The following ASAP1 variants were observed in gnomAD, a reference collection of about 807,000 sequenced individuals.
ASAP1 encodes the protein arf-GAP with SH3 domain, ANK repeat and PH domain-containing protein 1.
ASAP1 carries 43 observed loss-of-function variants against 145.2 expected under a neutral mutation model. That is an observed-to-expected ratio of 0.30 (90% CI 0.23 to 0.38). ASAP1 has a LOEUF of 0.38. Among genes scored for constraint, ASAP1 ranks in the 10% least tolerant of loss-of-function variants. ASAP1 has a pLI of 1.00. For synonymous variants in ASAP1, 546 were observed against 515.5 expected (o/e 1.06, Z -0.80); for missense variants, 1,018 against 1,355.3 (o/e 0.75, Z 3.91).
At chr8:130,152,460 T>A (rs189722541) in intron 13 of ASAP1, 52 of 254,354 alleles carry the variant, frequency 2.0e-4, no homozygotes, top group Non-Finnish European at 1.3e-4. Context: ...CCTAGGTTTT[T>A]CAGAACAATC....
intron 3 of ASAP1, among the ~76,000 whole-genome samples, chr8:130,356,068 A>G (rs995641370): frequency 6.8e-6 from 1 of 147,126 alleles, no homozygotes; most frequent in Non-Finnish European, 1.5e-5. Flanking sequence ...ATCTTACAAC[A>G]GTATTTCTCA....
intron 2 of ASAP1, among the ~76,000 whole-genome samples, chr8:130,393,303 G>C (rs973170746): frequency 5.9e-5 from 9 of 152,228 alleles, no homozygotes; most frequent in African/African-American, 1.7e-4. Context: ...TAAACAGTGA[G>C]CATGAGTCTT....
At position 130,358,470 on chromosome 8, in the gene ASAP1, G is replaced by C. The variant is rs1826491355; in HGVS notation, c.60-327C>G. On this transcript the variant is annotated intron_variant, in intron 2 of 29. Coordinates refer to ENST00000518721, the MANE Select transcript of ASAP1 (RefSeq NM_018482.4). The surrounding 1 kb of genome is among the most constrained non-coding windows in gnomAD (Gnocchi z 4.1). ...GCGGCGGGGGAGGGGACGCGGCTGCGCGCGGGGTCTTCGCGGGGGTCTGGG... is the reference window on the plus strand; with the variant it reads ...GCGGCGGGGGAGGGGACGCGGCTGCCCGCGGGGTCTTCGCGGGGGTCTGGG... Among the ~76,000 whole-genome samples the C allele has an allele frequency of 6.7e-6, 1 of 148,316 alleles. No individual in the cohort carries two copies.
chr8:130,413,889 C>G (rs900454180), intron 1 of ASAP1, among the ~76,000 whole-genome samples: 11 of 65,850 alleles, frequency 1.7e-4, no homozygotes, highest in African/African-American at 5.7e-4. Context: ...TTGCCAGATT[C>G]ATTCATTCAT....
rs146300645 is a variant in ASAP1 at position 130,138,939 on chromosome 8, T to C, written c.1081-1901A>G. Among the ~76,000 whole-genome samples, 4 of 152,232 alleles carry C rather than the reference T, an allele frequency of 2.6e-5. No individual in the cohort carries two copies. In the East Asian group the frequency reaches 5.8e-4, roughly 22 times the overall value. On this transcript the variant is annotated intron_variant, in intron 13 of 29. Transcript: ENST00000518721. The stretch of plus-strand genomic sequence containing the variant: ...GCCACGAAGCAGGCTTAGCTCACTG[T>C]AAAAAGAACTGTTAGTTCTACATCT...
intron 7 of ASAP1, among the ~76,000 whole-genome samples, chr8:130,182,635 C>T (rs1467727781): frequency 3.3e-5 from 5 of 151,936 alleles, no homozygotes; most frequent in Non-Finnish European, 7.4e-5. Context: ...GGGTACCTTG[C>T]TCTGAAATAT....
At chr8:130,332,177 T>C (rs192563927) in intron 3 of ASAP1, among the ~76,000 whole-genome samples, 10 of 152,370 alleles carry the variant, frequency 6.6e-5, no homozygotes, top group African/African-American at 2.4e-4. Context: ...TCTGATTTGA[T>C]GGCACTTGTG....
chr8:130,115,550 C>A (rs140845811), intron 23 of ASAP1, 78 bp downstream of exon 23: 2 of 1,140,710 alleles, frequency 1.8e-6, no homozygotes, highest in Admixed American at 1.9e-5. Context: ...ATCAATCTCA[C>A]CAAAAATGGA....
chr8:130,308,911 G>A (rs1823156593), intron 3 of ASAP1, among the ~76,000 whole-genome samples: 1 of 152,044 alleles, frequency 6.6e-6, no homozygotes, highest in Non-Finnish European at 1.5e-5. Flanking sequence ...GCACGGTGGT[G>A]TGCGCCTCAA....
At chr8:130,115,178 C>T (rs1011999064) in intron 23 of ASAP1, among the ~76,000 whole-genome samples, 3 of 152,160 alleles carry the variant, frequency 2.0e-5, no homozygotes, top group Non-Finnish European at 4.4e-5. Flanking sequence ...GAGTAGATTT[C>T]GAGTCAAGGG....
chr8:130,384,315 C>T (rs17287702), intron 2 of ASAP1, among the ~76,000 whole-genome samples: 28,605 of 152,150 alleles, frequency 0.19, 2,940 homozygotes, highest in Non-Finnish European at 0.23. Context: ...TCAGATGCAA[C>T]ATCAAAGCTG....
intron 2 of ASAP1, among the ~76,000 whole-genome samples, chr8:130,398,078 G>T (rs190700359): frequency 1.3e-5 from 2 of 152,240 alleles, no homozygotes; most frequent in African/African-American, 2.4e-5. Context: ...GGAATCAGGC[G>T]AGTGTAGGTT....
At chr8:130,326,760 A>G (rs1824360840) in intron 3 of ASAP1, among the ~76,000 whole-genome samples, 1 of 152,246 alleles carries the variant, frequency 6.6e-6, no homozygotes, top group Non-Finnish European at 1.5e-5. Flanking sequence ...TGAGAATCCC[A>G]ACATTTAAAA....
intron 1 of ASAP1, among the ~76,000 whole-genome samples, chr8:130,438,569 TC>T (rs1336084717): frequency 6.6e-6 from 1 of 152,180 alleles, no homozygotes; most frequent in African/African-American, 2.4e-5. Context: ...GCCCATCCCT[TC>T]CTGGGAGAGG....
intron 4 of ASAP1, among the ~76,000 whole-genome samples, chr8:130,234,579 C>T (rs1314314531): frequency 6.6e-6 from 1 of 152,138 alleles, no homozygotes; most frequent in African/African-American, 2.4e-5. Flanking sequence ...CTTTAAAGAA[C>T]AGGAAGAAGC....
At chr8:130,426,343 T>A (rs966349775) in intron 1 of ASAP1, among the ~76,000 whole-genome samples, 6 of 152,204 alleles carry the variant, frequency 3.9e-5, no homozygotes, top group African/African-American at 1.4e-4. Context: ...AAACCTCTTT[T>A]CTTTATAAAT....
intron 12 of ASAP1, 58 bp downstream of exon 12, chr8:130,159,806 C>G (rs370517090): frequency 1.5e-6 from 2 of 1,378,870 alleles, no homozygotes; most frequent in African/African-American, 2.9e-5. Context: ...ATATGAGAGA[C>G]TGGAAACATT....
At chr8:130,338,333 T>C (rs1825164562) in intron 3 of ASAP1, among the ~76,000 whole-genome samples, 4 of 152,214 alleles carry the variant, frequency 2.6e-5, no homozygotes, top group Admixed American at 2.6e-4. Flanking sequence ...TTTACATCAG[T>C]GGATGTAGTT....
intron 3 of ASAP1, among the ~76,000 whole-genome samples, chr8:130,264,041 A>C (rs754609654): frequency 1.3e-5 from 2 of 152,236 alleles, no homozygotes; most frequent in African/African-American, 4.8e-5. Flanking sequence ...CCACAACTGG[A>C]AAAGGCAGAG....
Sources: gnomAD v4.1 joint callset for allele counts (sites outside exome capture counted in the v4.1 genomes callset) on GRCh38, gnomAD v4.1.1 for gene constraint, Gnocchi (gnomAD v3.1) non-coding constraint, MANE v1.5 for transcripts, NCBI Gene and HGNC (gene_info 2026-07-23, HGNC 2026-07-21) for gene names.